Variants in CFAP97D2 observed in about 807,000 individuals in gnomAD.
CFAP97D2 encodes CFAP97 domain containing 2.
At chr13:114,212,642 G>A (rs971758563) in intron 4 of CFAP97D2, among the ~76,000 whole-genome samples, 2 of 152,148 alleles carry the variant, frequency 1.3e-5, no homozygotes, top group Non-Finnish European at 1.5e-5. Flanking sequence ...GATGTCAGGA[G>A]ATGGAGACCA....
At chr13:114,198,588 A>G (rs1027413109) in intron 2 of CFAP97D2, among the ~76,000 whole-genome samples, 3 of 152,206 alleles carry the variant, frequency 2.0e-5, no homozygotes, top group African/African-American at 7.2e-5. Context: ...ACTCCACCCA[A>G]TGCGTTCCAA....
Position 114,211,006 on chromosome 13 carries a change from G to A in CFAP97D2, c.291-906G>A, listed in dbSNP as rs1480125582. Among the ~76,000 whole-genome samples, 1 of 152,164 alleles carries A rather than the reference G, an allele frequency of 6.6e-6. No homozygotes were observed. Among genetic ancestry groups the A allele is most frequent in the East Asian group, 1.9e-4 (1 of 5,182 alleles). ...TGAAATATGCACAGGACAGTGCCTGGCACAGAGGAAGTGCCCAACAAGTCT... is the reference window on the plus strand; with the variant it reads ...TGAAATATGCACAGGACAGTGCCTGACACAGAGGAAGTGCCCAACAAGTCT... On this transcript the variant is annotated intron_variant, in intron 3 of 4. Transcript: ENST00000646158. The surrounding 1 kb of genome is among the most constrained non-coding windows in gnomAD (Gnocchi z 4.2).
chr13:114,204,593 C>G (rs2080931468), intron 3 of CFAP97D2, among the ~76,000 whole-genome samples: 1 of 152,222 alleles, frequency 6.6e-6, no homozygotes, highest in Admixed American at 6.5e-5. Context: ...AAAGAATAGT[C>G]TTTCCACAAA....
At chr13:114,181,228 G>T (rs945593604) in intron 1 of CFAP97D2, among the ~76,000 whole-genome samples, 2 of 152,368 alleles carry the variant, frequency 1.3e-5, no homozygotes, top group Middle Eastern at 3.4e-3. Context: ...GTAAGGAACT[G>T]CTGTTGGGCA....
chr13:114,180,952 G>A (rs1054204889), intron 1 of CFAP97D2, among the ~76,000 whole-genome samples: 2 of 152,206 alleles, frequency 1.3e-5, no homozygotes, highest in Non-Finnish European at 2.9e-5. Flanking sequence ...AGTGAACTTT[G>A]GTAGGTTGAC....
chr13:114,219,368 C>T (rs541947246), intron 4 of CFAP97D2, among the ~76,000 whole-genome samples: 91 of 152,180 alleles, frequency 6.0e-4, no homozygotes, highest in Non-Finnish European at 1.1e-3. Context: ...CCTTACTTTT[C>T]CTCCTCTTAT....
At position 114,185,732 on chromosome 13, in the gene CFAP97D2, G is replaced by A. The variant is rs1027587560; in HGVS notation, c.90+6312G>A. ...GGGTGTGCCCACACTTAGGGCAGAA[G>A]TGACATGCCAGCCCCTTGCCACCTC... is the stretch of plus-strand genomic sequence containing the variant. On this transcript the variant is annotated intron_variant, in intron 1 of 4. Coordinates refer to ENST00000646158, the Ensembl canonical transcript of CFAP97D2. The surrounding 1 kb of genome is among the most constrained non-coding windows in gnomAD (Gnocchi z 5.2). 1.1e-4 allele frequency among the ~76,000 whole-genome samples: 16 copies of A among 152,264 alleles called. No individual in the cohort carries two copies.
intron 4 of CFAP97D2, among the ~76,000 whole-genome samples, chr13:114,212,592 A>G (rs1270347580): frequency 1.3e-5 from 2 of 152,062 alleles, no homozygotes; most frequent in Non-Finnish European, 2.9e-5. Flanking sequence ...GCTCATGCCT[A>G]TAATCCCAGC....
chr13:114,216,096 G>A (rs577989700), intron 4 of CFAP97D2, among the ~76,000 whole-genome samples: 1 of 152,114 alleles, frequency 6.6e-6, no homozygotes, highest in East Asian at 1.9e-4. Context: ...CTGAATTCGT[G>A]CATGAGAGCC....
chr13:114,200,539 G>A lies in CFAP97D2; in HGVS notation c.290+96G>A, dbSNP rs531650416. On this transcript the variant is annotated intron_variant, in intron 3 of 4. Transcript: ENST00000646158. ...GAGCAGAAGAGCTGCCCGTGGGTGG[G>A]AGTCGAGGCGTTTCTGTCCTCTCCC... The A allele has an allele frequency of 4.0e-5, 16 of 395,964 alleles. No homozygotes were observed. The South Asian group carries it at 2.2e-3, about 55-fold the overall frequency. The allele number at this position is 395,964 out of a possible 1,614,324, so 24.5% of individuals were successfully genotyped here. A position where few individuals can be genotyped will look rare whatever the true frequency, so the allele number is the denominator to read the frequency against.
Position 114,211,757 on chromosome 13 carries a change from C to CTG in CFAP97D2, c.291-154_291-153dup, listed in dbSNP as rs923775062. Reference sequence around the variant, plus strand: ...GAGCCAGCAGCTCCCACTCCAGCACCTGGAGAACCGGTTTCTTAAATGTTG... The same window carrying CTG: ...GAGCCAGCAGCTCCCACTCCAGCACCTGTGGAGAACCGGTTTCTTAAATGTTG... On this transcript the variant is annotated intron_variant, in intron 3 of 4. Coordinates refer to ENST00000646158, the Ensembl canonical transcript of CFAP97D2. This position sits in a 1 kb window ranked among gnomAD's most constrained non-coding sequence, Gnocchi z 4.2. Among the ~76,000 whole-genome samples the CTG allele has an allele frequency of 3.3e-5, 5 of 152,244 alleles. No homozygotes were observed. The highest frequency in any genetic ancestry group is 4.8e-5 in the African/African-American group (2 of 41,464).
chr13:114,181,095 G>A (rs1189991704), intron 1 of CFAP97D2, among the ~76,000 whole-genome samples: 1 of 152,242 alleles, frequency 6.6e-6, no homozygotes, highest in Non-Finnish European at 1.5e-5. Context: ...CAAGGGGCAT[G>A]GGCCGGGAAC....
chr13:114,191,229 C>A (rs867284424), intron 1 of CFAP97D2, among the ~76,000 whole-genome samples: 1 of 151,924 alleles, frequency 6.6e-6, no homozygotes, highest in African/African-American at 2.4e-5. Flanking sequence ...TTTTTAGACA[C>A]AATGCCAATG....
chr13:114,188,543 C>T (rs904810925), intron 1 of CFAP97D2, among the ~76,000 whole-genome samples: 2 of 151,786 alleles, frequency 1.3e-5, no homozygotes, highest in Non-Finnish European at 2.9e-5. Context: ...TTTACGAGGC[C>T]GAGGCGGGCG....
intron 1 of CFAP97D2, among the ~76,000 whole-genome samples, chr13:114,183,314 G>A (rs568888745): frequency 5.3e-5 from 8 of 151,954 alleles, no homozygotes; most frequent in East Asian, 1.9e-4. Flanking sequence ...TTACAGTCGC[G>A]TGCCACCATG....
intron 1 of CFAP97D2, among the ~76,000 whole-genome samples, chr13:114,181,829 A>G (rs2080833407): frequency 6.6e-6 from 1 of 151,870 alleles, no homozygotes; most frequent in Non-Finnish European, 1.5e-5. Flanking sequence ...TCCTCAGCCC[A>G]GCCTTCCCCC....
At chr13:114,182,194 G>A (rs148644861) in intron 1 of CFAP97D2, among the ~76,000 whole-genome samples, 18,777 of 113,154 alleles carry the variant, frequency 0.17, 2,865 homozygotes, top group African/African-American at 0.25. Flanking sequence ...AGTCTATGTC[G>A]TAATTAAGTT....
rs2080967577 is a variant in CFAP97D2, at chr13:114,211,804, A to C, written c.291-108A>C. On this transcript the variant is annotated intron_variant, in intron 3 of 4. Coordinates refer to ENST00000646158, the Ensembl canonical transcript of CFAP97D2. The surrounding 1 kb of genome is among the most constrained non-coding windows in gnomAD (Gnocchi z 4.2). The stretch of plus-strand genomic sequence containing the variant: ...GTTGGTTCAGTGGGAAGCAGGAGCA[A>C]CCCTCCACCCCGGGACCCCTTCCTG... 1 of 397,336 alleles carries C rather than the reference A, an allele frequency of 2.5e-6. No homozygotes were observed. Among genetic ancestry groups the C allele is most frequent in the Non-Finnish European group, 4.4e-6 (1 of 225,926 alleles). The allele number at this position is 397,336 out of a possible 1,614,324, so 24.6% of individuals were successfully genotyped here.
intron 4 of CFAP97D2, among the ~76,000 whole-genome samples, chr13:114,212,847 G>A (rs76225137): frequency 0.065 from 9,876 of 151,942 alleles, 536 homozygotes; most frequent in African/African-American, 0.13. Flanking sequence ...TCGAGACTCC[G>A]TCTCAAAATA....
Sources: gnomAD v4.1 joint callset for allele counts (sites outside exome capture counted in the v4.1 genomes callset) on GRCh38, gnomAD v4.1.1 for gene constraint, Gnocchi (gnomAD v3.1) non-coding constraint, MANE v1.5 for transcripts, NCBI Gene and HGNC (gene_info 2026-07-23, HGNC 2026-07-21) for gene names.